COL18A1: variants seen among roughly 807,000 people sequenced by gnomAD.
COL18A1 encodes collagen alpha-1(XVIII) chain.
COL18A1 carries 133 observed loss-of-function variants against 168.0 expected under a neutral mutation model. That is an observed-to-expected ratio of 0.79 (90% CI 0.69 to 0.91). The LOEUF is 0.91. Ranked by LOEUF, COL18A1 falls within the 40% of genes least tolerant of loss-of-function variation. The pLI is 0.00. For missense variants in COL18A1, 2,126 were observed against 1,925.4 expected (o/e 1.10, Z -1.95); for synonymous variants, 949 against 809.0 (o/e 1.17, Z -2.94).
Position 45,496,522 on chromosome 21 carries a change from C to T in COL18A1, c.2531C>T (p.Pro844Leu), listed in dbSNP as rs754192713. 2.4e-5 allele frequency: 36 copies of T among 1,521,622 alleles called. 1 individual carries two copies. In the South Asian group the frequency reaches 4.0e-4, roughly 17 times the overall value. The allele number at this position is 1,521,622 out of a possible 1,614,324, so 94.3% of individuals were successfully genotyped here. Residue 844 changes from proline (P) to leucine (L), a missense_variant, in exon 30 of 42, where the codon CCT becomes CTT. Transcript: ENST00000651438. ...CAGGGAATGCCCGGCCCCCCAGGACCTCCAGGGCCCCCAGGCCCTCCAGGG... is the reference window on the plus strand; with the variant it reads ...CAGGGAATGCCCGGCCCCCCAGGACTTCCAGGGCCCCCAGGCCCTCCAGGG... ...GMRGMPGPPG[P>L]PGPPGPPGTP...
intron 2 of COL18A1, among the ~76,000 whole-genome samples, chr21:45,437,630 A>ACACACAGG (rs2034194152): frequency 1.5e-5 from 1 of 67,590 alleles, no homozygotes; most frequent in Non-Finnish European, 2.6e-5. Context: ...TCCTGCACAC[A>ACACACAGG]CACTCACACA....
At chr21:45,503,569 A>G (rs2036981632) in intron 32 of COL18A1, among the ~76,000 whole-genome samples, 1 of 143,934 alleles carries the variant, frequency 6.9e-6, no homozygotes, top group Non-Finnish European at 1.5e-5. Flanking sequence ...TCTCACTCAT[A>G]GGTGGGAACT....
intron 2 of COL18A1, among the ~76,000 whole-genome samples, chr21:45,442,501 G>A (rs1006220778): frequency 1.3e-5 from 2 of 152,246 alleles, no homozygotes; most frequent in African/African-American, 4.8e-5. Context: ...CTCCACTCCT[G>A]GACATCGTAG....
chr21:45,450,325 C>A (rs1230720114), intron 2 of COL18A1, among the ~76,000 whole-genome samples: 1 of 152,172 alleles, frequency 6.6e-6, no homozygotes, highest in African/African-American at 2.4e-5. Context: ...TCCCTGTCAT[C>A]CTCCCCCAGC....
intron 34 of COL18A1, 122 bp downstream of exon 34, chr21:45,504,678 G>A: frequency 1.2e-6 from 1 of 826,972 alleles, no homozygotes; most frequent in Non-Finnish European, 1.9e-6. Context: ...AAGCTCAGCA[G>A]CCCCGACATG....
At chr21:45,474,980 G>T (rs73907525) in intron 4 of COL18A1, among the ~76,000 whole-genome samples, 1 of 152,150 alleles carries the variant, frequency 6.6e-6, no homozygotes, top group Non-Finnish European at 1.5e-5. Flanking sequence ...TCGCCGAGGC[G>T]CCGCACCCCT....
intron 2 of COL18A1, among the ~76,000 whole-genome samples, chr21:45,461,841 A>G (rs78071388): frequency 0.028 from 4,297 of 152,340 alleles, 214 homozygotes; most frequent in African/African-American, 0.097. Context: ...ATAATTGCCC[A>G]TGTATTTACC....
At chr21:45,422,125 TCACA>T (rs577446406) in intron 2 of COL18A1, among the ~76,000 whole-genome samples, 1 of 151,634 alleles carries the variant, frequency 6.6e-6, no homozygotes, top group Non-Finnish European at 1.5e-5. Flanking sequence ...ACACACAGGC[TCACA>T]CATACAGGTT....
At chr21:45,494,830 C>G (rs1424402088) in intron 27 of COL18A1, 32 bp from the exon 28 acceptor site, 1 of 1,587,700 alleles carries the variant, frequency 6.3e-7, no homozygotes, top group Non-Finnish European at 8.6e-7. Context: ...CCAGGGTCTG[C>G]CCCACTAAGC....
rs541923817 is a variant in COL18A1 at position 45,492,596 on chromosome 21, C to T, written c.2187+32C>T. On this transcript the variant is annotated intron_variant, in intron 23 of 41. Transcript: ENST00000651438. ...GCCTGCCCAGCTTCTAAGAGACGGG[C>T]CTGCGGGGACCTGGGTACAAGGCTG... 50 of 1,612,532 alleles carry T rather than the reference C, an allele frequency of 3.1e-5. No homozygotes were observed. In the East Asian group the frequency reaches 9.4e-4, roughly 30 times the overall value.
At chr21:45,417,343 G>A (rs2033476597) in intron 2 of COL18A1, among the ~76,000 whole-genome samples, 1 of 152,200 alleles carries the variant, frequency 6.6e-6, no homozygotes, top group African/African-American at 2.4e-5. Flanking sequence ...GCTTCTCTGT[G>A]CTTGTGGGCT....
chr21:45,487,802 G>A (rs556786398), intron 17 of COL18A1, among the ~76,000 whole-genome samples: 246 of 152,338 alleles, frequency 1.6e-3, no homozygotes, highest in Non-Finnish European at 2.3e-3. Context: ...GCCTTTCTGG[G>A]GAAATTCAAG....
At position 45,498,962 on chromosome 21, in the gene COL18A1, T is replaced by A. The variant is rs2036642710; in HGVS notation, c.2683+1301T>A. On this transcript the variant is annotated intron_variant, in intron 32 of 41. Coordinates refer to ENST00000651438, the MANE Select transcript of COL18A1 (RefSeq NM_001379500.1). The surrounding 1 kb of genome is among the most constrained non-coding windows in gnomAD (Gnocchi z 4.5). Reference sequence around the variant, plus strand: ...GTTTTGGTCGACGTGGGATTGCTTGTCCCTGGGAGCCAGAACGAGGGCTCC... The same window carrying A: ...GTTTTGGTCGACGTGGGATTGCTTGACCCTGGGAGCCAGAACGAGGGCTCC... Among the ~76,000 whole-genome samples the A allele has an allele frequency of 6.6e-6, 1 of 152,146 alleles. No homozygotes were observed. Among genetic ancestry groups the A allele is most frequent in the Non-Finnish European group, 1.5e-5 (1 of 68,030 alleles).
intron 2 of COL18A1, among the ~76,000 whole-genome samples, chr21:45,465,288 C>T (rs1226890577): frequency 2.0e-5 from 3 of 152,186 alleles, no homozygotes; most frequent in African/African-American, 7.2e-5. Context: ...TCAGCGCTGA[C>T]GGTGGAGAGA....
At chr21:45,464,160 C>T (rs928803401) in intron 2 of COL18A1, among the ~76,000 whole-genome samples, 1 of 152,110 alleles carries the variant, frequency 6.6e-6, no homozygotes, top group East Asian at 1.9e-4. Flanking sequence ...GCCCAGCCCT[C>T]GGGAGTAGCA....
chr21:45,479,497 CAT>C (rs375141627), intron 9 of COL18A1, among the ~76,000 whole-genome samples: 82 of 152,252 alleles, frequency 5.4e-4, no homozygotes, highest in Middle Eastern at 3.4e-3. Flanking sequence ...CGTGTGCACA[CAT>C]GTGCACACCA....
In COL18A1 at chr21:45,473,199, C is replaced by G. The variant is rs571981024; in HGVS notation, c.652-696C>G. Among the ~76,000 whole-genome samples, 18 of 152,232 alleles carry G rather than the reference C, an allele frequency of 1.2e-4. No homozygotes were observed. The highest frequency in any genetic ancestry group is 2.1e-4 in the Non-Finnish European group (14 of 68,044). On this transcript the variant is annotated intron_variant, in intron 3 of 41. Transcript: ENST00000651438. The surrounding 1 kb of genome is among the most constrained non-coding windows in gnomAD (Gnocchi z 4.0). The stretch of plus-strand genomic sequence containing the variant: ...CCTCCTGTGTCCTTGCCCAGCATCC[C>G]CGGCCTGCATCTCACCAGGCACCGC...
At chr21:45,432,562 C>T (rs560521844) in intron 2 of COL18A1, among the ~76,000 whole-genome samples, 61 of 152,364 alleles carry the variant, frequency 4.0e-4, no homozygotes, top group Non-Finnish European at 5.9e-4. Flanking sequence ...GGTGAGAACC[C>T]CCTCGAGTCC....
Position 45,481,985 on chromosome 21 carries a change from G to A in COL18A1, c.1634G>A (p.Arg545Lys). ...CAGGGACCCCCAGGCCCTCCGGGAA[G>A]AGAGGGGCCCCCAGGAAGGACTGGG... Reference protein sequence around the residue: ...GLPGPPGPPGREGPPGRTGQK... With the variant: ...GLPGPPGPPGKEGPPGRTGQK... The change falls in exon 14 of 42, where the codon AGA becomes AAA. Residue 545 changes from arginine to lysine, a missense_variant. Transcript: ENST00000651438. The A allele has an allele frequency of 6.2e-7, 1 of 1,613,732 alleles. No homozygotes were observed. Among genetic ancestry groups the A allele is most frequent in the South Asian group, 1.1e-5 (1 of 91,064 alleles).
Sources: gnomAD v4.1 joint callset for allele counts (sites outside exome capture counted in the v4.1 genomes callset) on GRCh38, gnomAD v4.1.1 for gene constraint, Gnocchi (gnomAD v3.1) non-coding constraint, MANE v1.5 for transcripts, NCBI Gene and HGNC (gene_info 2026-07-23, HGNC 2026-07-21) for gene names.